KLHL28: variants seen among roughly 807,000 people sequenced by gnomAD.
KLHL28 encodes kelch like family member 28.
Under a neutral mutation model 48.3 loss-of-function variants are expected in KLHL28, and 22 were observed. The ratio of observed to expected loss-of-function variants is 0.46; its 90% CI spans 0.33 to 0.65. The LOEUF (loss-of-function observed/expected upper bound fraction) is 0.65, where lower values mean the gene tolerates loss of function less well. Among genes scored for constraint, KLHL28 ranks in the 30% least tolerant of loss-of-function variants. KLHL28 has a pLI of 0.03. For missense variants in KLHL28, 527 were observed against 704.3 expected (o/e 0.75, Z 2.85); for synonymous variants, 243 against 242.4 (o/e 1.00, Z -0.02).
At chr14:44,931,226 TGG>T in intron 4 of KLHL28, 105 bp downstream of exon 4, 1 of 564,796 alleles carries the variant, frequency 1.8e-6, no homozygotes, top group Non-Finnish European at 2.9e-6. Flanking sequence ...TTTTTTTTTC[TGG>T]ACAAGTAATA....
intron 1 of KLHL28, among the ~76,000 whole-genome samples, chr14:44,947,760 C>A (rs1438675578): frequency 6.6e-6 from 1 of 152,146 alleles, no homozygotes; most frequent in Non-Finnish European, 1.5e-5. Flanking sequence ...ACTTATTTCA[C>A]AATGAATTTT....
intron 3 of KLHL28, among the ~76,000 whole-genome samples, chr14:44,931,966 A>G (rs1469963851): frequency 2.0e-5 from 3 of 151,960 alleles, no homozygotes; most frequent in Non-Finnish European, 4.4e-5. Context: ...TCAAATGAGT[A>G]TGCACGTGAC....
chr14:44,935,801 T>C (rs1251139927), intron 2 of KLHL28, among the ~76,000 whole-genome samples: 1 of 147,812 alleles, frequency 6.8e-6, no homozygotes, highest in East Asian at 2.0e-4. Context: ...TGATAGGTAC[T>C]TCAGTATTTA....
chr14:44,960,716 A>AC (rs1365631570), intron 1 of KLHL28, among the ~76,000 whole-genome samples: 6 of 41,282 alleles, frequency 1.5e-4, no homozygotes, highest in Non-Finnish European at 2.6e-4. Flanking sequence ...CCCCACCCCC[A>AC]CCCCCCCAAA....
At chr14:44,935,675 C>A (rs2138594604) in intron 2 of KLHL28, among the ~76,000 whole-genome samples, 2 of 150,902 alleles carry the variant, frequency 1.3e-5, no homozygotes, top group South Asian at 2.1e-4. Context: ...TAATGAAAAG[C>A]AAGGGAATAG....
At chr14:44,935,691 A>G (rs1883780770) in intron 2 of KLHL28, among the ~76,000 whole-genome samples, 1 of 151,298 alleles carries the variant, frequency 6.6e-6, no homozygotes, top group Non-Finnish European at 1.5e-5. Context: ...AATAGTTCGT[A>G]AAAATTCAGG....
At chr14:44,940,747 ATCTCT>A (rs1424783298) in intron 2 of KLHL28, among the ~76,000 whole-genome samples, 1 of 152,044 alleles carries the variant, frequency 6.6e-6, no homozygotes, top group Non-Finnish European at 1.5e-5. Context: ...TTTGATATCA[ATCTCT>A]TCTATTTCCT....
rs932350464 is a variant in KLHL28 at position 44,925,653 on chromosome 14, C to T, written c.*3375G>A. 3.3e-5 allele frequency: 5 copies of T among 152,128 alleles called. No individual in the cohort carries two copies. Among genetic ancestry groups the T allele is most frequent in the Admixed American group, 2.0e-4 (3 of 15,272 alleles). The allele number at this position is 152,128 out of a possible 1,614,324, so 9.4% of individuals were successfully genotyped here. ...ACAGCATCTAACAGAATATCTCATA[C>T]ATATAGCAAACCCTCCATATGTGTT... On this transcript the variant is annotated 3_prime_UTR_variant, in exon 5 of 5. Transcript: ENST00000396128.
intron 4 of KLHL28, 108 bp downstream of exon 4, chr14:44,931,223 TTC>T: frequency 1.7e-6 from 1 of 605,966 alleles, no homozygotes; most frequent in East Asian, 3.0e-5. Flanking sequence ...TTTTTTTTTT[TTC>T]TGGACAAGTA....
intron 1 of KLHL28, among the ~76,000 whole-genome samples, chr14:44,954,042 T>C (rs1006157092): frequency 6.6e-6 from 1 of 152,142 alleles, no homozygotes; most frequent in Admixed American, 6.5e-5. Flanking sequence ...GTTAAAAACA[T>C]AAATGATTTT....
chr14:44,934,228 T>C lies in KLHL28; in HGVS notation c.1230A>G (p.Ile410Met), dbSNP rs923880408. 6.2e-7 allele frequency: 1 copy of C among 1,614,186 alleles called. No homozygotes were observed. The highest frequency in any genetic ancestry group is 8.5e-7 in the Non-Finnish European group (1 of 1,180,014). Residue 410 changes from isoleucine to methionine, a missense_variant, in exon 3 of 5, where the codon ATA (isoleucine) becomes ATG (methionine). Coordinates refer to ENST00000396128, the MANE Select transcript of KLHL28 (RefSeq NM_017658.5). ...TTGGTGCCACAGGTTGCCATTTTCTTATTTTGGGAATGTACTTCTCTACAG... is the reference window on the plus strand; with the variant it reads ...TTGGTGCCACAGGTTGCCATTTTCTCATTTTGGGAATGTACTTCTCTACAG... ...LQSVEKYIPKIRKWQPVAPMT... is the reference protein window; with the variant it reads ...LQSVEKYIPKMRKWQPVAPMT...
At chr14:44,930,034 TA>T (rs1800311842) in intron 4 of KLHL28, among the ~76,000 whole-genome samples, 1 of 152,182 alleles carries the variant, frequency 6.6e-6, no homozygotes. Flanking sequence ...TTTATGCTTC[TA>T]AAAATTCTAC....
intron 3 of KLHL28, among the ~76,000 whole-genome samples, chr14:44,932,560 T>C (rs73334121): frequency 0.06 from 9,090 of 152,228 alleles, 886 homozygotes; most frequent in African/African-American, 0.2. Context: ...TTGTTGGGCT[T>C]GTTCTGGCCC....
chr14:44,929,163 G>A lies in KLHL28; in HGVS notation c.1581C>T (p.Tyr527=), dbSNP rs143583376. 7.1e-4 allele frequency: 1,146 copies of A among 1,610,334 alleles called. 2 individuals carry two copies. Among genetic ancestry groups the A allele is most frequent in the Non-Finnish European group, 9.4e-4 (1,110 of 1,177,940 alleles). Residue 527 remains tyrosine (Y), a synonymous_variant, in exon 5 of 5, where the codon TAC becomes TAT. Transcript: ENST00000396128. The stretch of plus-strand genomic sequence containing the variant: ...CTGAGTGACCACCGACGACATAAAG[G>A]TAGTTATCGATTACAGCAGCACCAA... ...TGVGAAVIDN[Y]LYVVGGHSGS... is the part of the protein sequence containing the mutation.
chr14:44,929,274 A>T lies in KLHL28; in HGVS notation c.1553-83T>A, dbSNP rs543495920. ...CTCACTAAAAATAAATTTGTATTTT[A>T]ATGTTTTATTAAAATACATTTTAAC... On this transcript the variant is annotated intron_variant, in intron 4 of 4. Transcript: ENST00000396128. 4.7e-5 allele frequency: 56 copies of T among 1,202,678 alleles called. No individual in the cohort carries two copies. In the Middle Eastern group the frequency reaches 9.6e-4, roughly 21 times the overall value. 74.5% of individuals were successfully genotyped at this position (1,202,678 alleles called of 1,614,324 possible).
At position 44,924,503 on chromosome 14, in the gene KLHL28, A is replaced by G. The variant is rs952997906; in HGVS notation, c.*4525T>C. The G allele has an allele frequency of 1.4e-4, 21 of 152,648 alleles. No homozygotes were observed. Among genetic ancestry groups the G allele is most frequent in the African/African-American group, 4.6e-4 (19 of 41,460 alleles). 9.5% of individuals were successfully genotyped at this position (152,648 alleles called of 1,614,324 possible). ...AAATAAAATAAAACCCTGATGCTAAAAAGGTACATGTTCAGAGGTAAAATA... is the reference window on the plus strand; with the variant it reads ...AAATAAAATAAAACCCTGATGCTAAGAAGGTACATGTTCAGAGGTAAAATA... On this transcript the variant is annotated 3_prime_UTR_variant, in exon 5 of 5. Coordinates refer to ENST00000396128, the MANE Select transcript of KLHL28 (RefSeq NM_017658.5).
chr14:44,950,127 T>C (rs1884514608), intron 1 of KLHL28, among the ~76,000 whole-genome samples: 1 of 152,098 alleles, frequency 6.6e-6, no homozygotes, highest in African/African-American at 2.4e-5. Flanking sequence ...ATAATAATTA[T>C]AATATAGGGT....
At chr14:44,950,021 C>A (rs961133064) in intron 1 of KLHL28, among the ~76,000 whole-genome samples, 1 of 151,952 alleles carries the variant, frequency 6.6e-6, no homozygotes, top group East Asian at 1.9e-4. Flanking sequence ...TCATGTCTTA[C>A]AGGTAATGGA....
Position 44,928,998 on chromosome 14 carries a change from C to T in KLHL28, c.*30G>A, listed in dbSNP as rs1263233633. 2 of 1,607,768 alleles carry T rather than the reference C, an allele frequency of 1.2e-6. No homozygotes were observed. Among genetic ancestry groups the T allele is most frequent in the Admixed American group, 3.3e-5 (2 of 59,718 alleles). The stretch of plus-strand genomic sequence containing the variant: ...GATGTTCATGCAGTACAAGTTTCAC[C>T]ACCATACTATTTCCGAGAGTTCACA... On this transcript the variant is annotated 3_prime_UTR_variant, in exon 5 of 5. Transcript: ENST00000396128.
Sources: allele counts gnomAD v4.1 joint callset (sites outside exome capture counted in the v4.1 genomes callset), GRCh38; gene constraint gnomAD v4.1.1; transcripts MANE v1.5; gene names NCBI Gene and HGNC (gene_info 2026-07-23, HGNC 2026-07-21).